WWOX: variants seen among roughly 807,000 people sequenced by gnomAD.
WWOX encodes WW domain-containing oxidoreductase.
Under a neutral mutation model 46.2 loss-of-function variants are expected in WWOX, and 69 were observed. That is an observed-to-expected ratio of 1.49 (90% CI 1.23 to 1.82). The LOEUF (loss-of-function observed/expected upper bound fraction) is 1.82. WWOX is among the 40% of genes most tolerant of loss of function. WWOX has a pLI of 0.00. For missense variants in WWOX, 919 were observed against 542.6 expected (o/e 1.69, Z -6.89); for synonymous variants, 359 against 202.6 (o/e 1.77, Z -6.56).
Position 79,212,315 on chromosome 16 carries a change from C to G in WWOX, c.*519C>G. ...CTTAGCAACTGCTGGGGAGACAAAT[C>G]TCAGAACCTTGTCCCAGCCAGTGAG... On this transcript the variant is annotated 3_prime_UTR_variant, in exon 9 of 9. Coordinates refer to ENST00000566780, the MANE Select transcript of WWOX (RefSeq NM_016373.4). 1 of 844,502 alleles carries G rather than the reference C, an allele frequency of 1.2e-6. No individual in the cohort carries two copies. The highest frequency in any genetic ancestry group is 1.8e-6 in the Non-Finnish European group (1 of 568,304). 52.3% of individuals were successfully genotyped at this position (844,502 alleles called of 1,614,324 possible).
At chr16:78,296,184 T>C (rs939223325) in intron 5 of WWOX, among the ~76,000 whole-genome samples, 1 of 152,198 alleles carries the variant, frequency 6.6e-6, no homozygotes, top group African/African-American at 2.4e-5. Context: ...TTGTAAAGCC[T>C]TACTTTGAAT....
chr16:78,364,240 A>C (rs1331524107), intron 5 of WWOX, among the ~76,000 whole-genome samples: 1 of 152,174 alleles, frequency 6.6e-6, no homozygotes, highest in Admixed American at 6.5e-5. Flanking sequence ...CTTACCTGTC[A>C]CAGCCATTAA....
At chr16:78,309,165 C>T (rs2080187768) in intron 5 of WWOX, among the ~76,000 whole-genome samples, 1 of 152,300 alleles carries the variant, frequency 6.6e-6, no homozygotes, top group African/African-American at 2.4e-5. Context: ...TCCCCACAAT[C>T]CCGACATGTC....
At chr16:78,683,590 C>G (rs1395157805) in intron 8 of WWOX, among the ~76,000 whole-genome samples, 2 of 151,374 alleles carry the variant, frequency 1.3e-5, no homozygotes, top group Admixed American at 6.6e-5. Context: ...AAAATAGAGA[C>G]AAAGTCTCGC....
At chr16:78,652,755 G>A (rs892857499) in intron 8 of WWOX, among the ~76,000 whole-genome samples, 1 of 152,048 alleles carries the variant, frequency 6.6e-6, no homozygotes, top group African/African-American at 2.4e-5. Context: ...AATAGACTTG[G>A]TAAAGAAGCA....
intron 8 of WWOX, among the ~76,000 whole-genome samples, chr16:78,852,972 TA>T (rs2052483188): frequency 6.6e-6 from 1 of 152,186 alleles, no homozygotes; most frequent in Non-Finnish European, 1.5e-5. Context: ...AACTGCAATT[TA>T]TATCTTGCCC....
chr16:78,661,354 T>G (rs957763407), intron 8 of WWOX, among the ~76,000 whole-genome samples: 3 of 152,314 alleles, frequency 2.0e-5, no homozygotes, highest in Non-Finnish European at 2.9e-5. Context: ...AAGGTTCTTC[T>G]GAAGCGACCA....
intron 6 of WWOX, among the ~76,000 whole-genome samples, chr16:78,410,197 C>T (rs1036101632): frequency 5.3e-5 from 8 of 152,292 alleles, no homozygotes; most frequent in East Asian, 3.9e-4. Context: ...GAGGCCTCAC[C>T]GGAAGCCAAG....
chr16:79,176,650 T>C (rs1963839), intron 8 of WWOX, among the ~76,000 whole-genome samples: 78,437 of 151,984 alleles, frequency 0.52, 21,029 homozygotes, highest in East Asian at 0.88. Flanking sequence ...TTTGAATCTA[T>C]GGACATGTCT....
intron 8 of WWOX, among the ~76,000 whole-genome samples, chr16:78,994,798 G>A (rs1424043007): frequency 2.0e-5 from 3 of 152,084 alleles, no homozygotes; most frequent in Non-Finnish European, 4.4e-5. Context: ...ACAAAGAGCA[G>A]GGTTTCGCCG....
Position 78,548,595 on chromosome 16 carries a change from T to G in WWOX, c.1056+115843T>G, listed in dbSNP as rs2044103071. Among the ~76,000 whole-genome samples, 4 of 152,236 alleles carry G rather than the reference T, an allele frequency of 2.6e-5. No homozygotes were observed. In the South Asian group the frequency reaches 8.3e-4, roughly 32 times the overall value. On this transcript the variant is annotated intron_variant, in intron 8 of 8. Coordinates refer to ENST00000566780, the MANE Select transcript of WWOX (RefSeq NM_016373.4). ...TTCCCATCAATTTAAACATCATCTC[T>G]CAAGGAACTGATGGGCCGGTTGACT...
chr16:78,603,362 G>C (rs2550601), intron 8 of WWOX, among the ~76,000 whole-genome samples: 119,063 of 152,176 alleles, frequency 0.78, 46,757 homozygotes, highest in Admixed American at 0.83. Flanking sequence ...AGGGATGAAC[G>C]CCCCCACTGG....
chr16:78,475,821 C>T (rs1409501979), intron 8 of WWOX, among the ~76,000 whole-genome samples: 6 of 152,142 alleles, frequency 3.9e-5, no homozygotes, highest in African/African-American at 1.4e-4. Flanking sequence ...TCTTGAACTC[C>T]TGAATTCAAA....
intron 4 of WWOX, among the ~76,000 whole-genome samples, chr16:78,136,668 G>T (rs185877935): frequency 4.2e-4 from 64 of 152,322 alleles, no homozygotes; most frequent in South Asian, 2.5e-3. Flanking sequence ...TCGTTAACCT[G>T]TAAAGAGATG....
intron 8 of WWOX, among the ~76,000 whole-genome samples, chr16:78,882,552 C>T (rs1307284162): frequency 6.6e-6 from 1 of 151,566 alleles, no homozygotes; most frequent in African/African-American, 2.4e-5. Context: ...TCTCAGCTCA[C>T]TGCACCCTCC....
chr16:78,813,810 T>C (rs1215334356), intron 8 of WWOX, among the ~76,000 whole-genome samples: 2 of 152,214 alleles, frequency 1.3e-5, no homozygotes, highest in African/African-American at 4.8e-5. Flanking sequence ...ATTTTATTTT[T>C]TTTCTCCCTT....
At chr16:78,379,847 G>C (rs116235068) in intron 5 of WWOX, among the ~76,000 whole-genome samples, 2,389 of 152,286 alleles carry the variant, frequency 0.016, 69 homozygotes, top group African/African-American at 0.055. Context: ...CTAAAGGCCT[G>C]TTGCCTTGAG....
chr16:78,462,070 A>T (rs766420792), intron 8 of WWOX, among the ~76,000 whole-genome samples: 2 of 152,182 alleles, frequency 1.3e-5, no homozygotes, highest in Non-Finnish European at 2.9e-5. Flanking sequence ...TGAACTTTTG[A>T]CCAGGGTCTA....
intron 6 of WWOX, among the ~76,000 whole-genome samples, chr16:78,401,644 T>A (rs1479472455): frequency 1.3e-5 from 2 of 152,166 alleles, no homozygotes; most frequent in African/African-American, 4.8e-5. Context: ...AGTAAAGATT[T>A]CTCAGAGCCC....
Sources: gnomAD v4.1 joint callset for allele counts (sites outside exome capture counted in the v4.1 genomes callset) on GRCh38, gnomAD v4.1.1 for gene constraint, MANE v1.5 for transcripts, NCBI Gene and HGNC (gene_info 2026-07-23, HGNC 2026-07-21) for gene names.